STAT5B: variants seen among roughly 807,000 people sequenced by gnomAD.
STAT5B encodes transcription factor STAT5B.
A neutral mutation model predicts 107.8 loss-of-function variants in STAT5B; 21 were observed. That is an observed-to-expected ratio of 0.19 (90% CI 0.14 to 0.28). The LOEUF is 0.28. Among genes scored for constraint, STAT5B ranks in the 10% least tolerant of loss-of-function variants. The pLI, the probability that STAT5B is intolerant of heterozygous loss-of-function variation, is 1.00. For missense variants in STAT5B, 565 were observed against 1,008.2 expected (o/e 0.56, Z 5.95); for synonymous variants, 325 against 401.7 (o/e 0.81, Z 2.28).
At chr17:42,245,712 C>T (rs534158499) in intron 1 of STAT5B, among the ~76,000 whole-genome samples, 5 of 152,046 alleles carry the variant, frequency 3.3e-5, no homozygotes, top group African/African-American at 4.8e-5. Flanking sequence ...TTAATAGAGA[C>T]GGGTTTTCAC....
chr17:42,213,476 G>A (rs1323591214), intron 12 of STAT5B, among the ~76,000 whole-genome samples: 1 of 152,042 alleles, frequency 6.6e-6, no homozygotes, highest in Non-Finnish European at 1.5e-5. Context: ...CAAAGTGCTG[G>A]GATTGCAGGC....
intron 1 of STAT5B, among the ~76,000 whole-genome samples, chr17:42,254,216 A>G (rs914379321): frequency 6.6e-6 from 1 of 152,142 alleles, no homozygotes; most frequent in African/African-American, 2.4e-5. Flanking sequence ...TCTCTACAAA[A>G]TAAAAATTAA....
intron 15 of STAT5B, 121 bp downstream of exon 15, chr17:42,210,050 T>A: frequency 6.9e-7 from 1 of 1,452,952 alleles, no homozygotes; most frequent in South Asian, 1.2e-5. Flanking sequence ...TGGCTATACA[T>A]TTATGTTTCC....
chr17:42,218,094 T>TC, intron 9 of STAT5B, 57 bp downstream of exon 9: 1 of 1,582,396 alleles, frequency 6.3e-7, no homozygotes, highest in Non-Finnish European at 8.6e-7. Context: ...ATTCTTTTTT[T>TC]CCTGTTGCCA....
At chr17:42,281,988 TGTG>T in the STAT5B span, among the ~76,000 whole-genome samples, 1 of 151,960 alleles carries the variant, frequency 6.6e-6, no homozygotes, top group East Asian at 1.9e-4. Flanking sequence ...GCTGCCACTG[TGTG>T]TAGAAAAGCA....
chr17:42,203,915 C>T (rs1465454757), intron 16 of STAT5B, among the ~76,000 whole-genome samples: 2 of 151,984 alleles, frequency 1.3e-5, no homozygotes, highest in African/African-American at 2.4e-5. Context: ...GTGTGAGCCA[C>T]GGTGCCTGGC....
In STAT5B at chr17:42,201,289, G is replaced by A; in HGVS notation, c.*449C>T. The A allele has an allele frequency of 2.0e-6, 1 of 489,850 alleles. No homozygotes were observed. Among genetic ancestry groups the A allele is most frequent in the East Asian group, 3.1e-5 (1 of 32,578 alleles). The allele number at this position is 489,850 out of a possible 1,614,324, so 30.3% of individuals were successfully genotyped here. ...ATATATCAATTGCTTGGCAGACAGA[G>A]TGACGAAGACTCACTGGAGCACATG... On this transcript the variant is annotated 3_prime_UTR_variant, in exon 19 of 19. Coordinates refer to ENST00000293328, the MANE Select transcript of STAT5B (RefSeq NM_012448.4).
intron 1 of STAT5B, among the ~76,000 whole-genome samples, chr17:42,262,840 A>G (rs1179344629): frequency 2.0e-5 from 2 of 101,452 alleles, no homozygotes; most frequent in African/African-American, 9.6e-5. Flanking sequence ...ATATACACAC[A>G]TATATATGTA....
chr17:42,279,483 G>T, upstream of STAT5B, among the ~76,000 whole-genome samples: 1 of 152,256 alleles, frequency 6.6e-6, no homozygotes, highest in East Asian at 1.9e-4. Flanking sequence ...GCCACAGGGC[G>T]CTAGTTTAAA....
intron 1 of STAT5B, among the ~76,000 whole-genome samples, chr17:42,259,615 C>T (rs1483244317): frequency 1.3e-5 from 2 of 151,920 alleles, no homozygotes; most frequent in South Asian, 2.1e-4. Flanking sequence ...AGCGAAACCC[C>T]GTATCTACTA....
At chr17:42,207,890 TTTAC>T (rs751828947) in intron 15 of STAT5B, among the ~76,000 whole-genome samples, 162 bp from the exon 16 acceptor site, 19 of 152,138 alleles carry the variant, frequency 1.2e-4, no homozygotes, top group African/African-American at 3.9e-4. Flanking sequence ...CTTTTATTTA[TTTAC>T]TTACTTACTT....
chr17:42,236,176 T>C (rs1045210337), intron 1 of STAT5B, among the ~76,000 whole-genome samples: 3 of 152,198 alleles, frequency 2.0e-5, no homozygotes, highest in Non-Finnish European at 4.4e-5. Context: ...CTTATTTTGA[T>C]AAATACAATA....
intron 1 of STAT5B, among the ~76,000 whole-genome samples, chr17:42,262,793 T>C (rs2080613546): frequency 9.0e-6 from 1 of 111,126 alleles, no homozygotes; most frequent in Non-Finnish European, 1.8e-5. Context: ...TATACACATA[T>C]ATATGTGTGT....
At chr17:42,233,054 A>C (rs2080330044) in intron 1 of STAT5B, among the ~76,000 whole-genome samples, 1 of 151,786 alleles carries the variant, frequency 6.6e-6, no homozygotes. Flanking sequence ...GTTGGCCAGG[A>C]TGGTCTCAAA....
At chr17:42,284,722 C>T in the STAT5B span, among the ~76,000 whole-genome samples, 1 of 152,324 alleles carries the variant, frequency 6.6e-6, no homozygotes, top group South Asian at 2.1e-4. Context: ...TAGCCCAGCC[C>T]AGGGAGGCCT....
intron 13 of STAT5B, chr17:42,210,722 C>T (rs2080121368): frequency 1.9e-6 from 1 of 528,070 alleles, no homozygotes; most frequent in South Asian, 1.9e-5. Context: ...TGGGCTCCTG[C>T]TACAGACACT....
intron 7 of STAT5B, 37 bp from the exon 8 acceptor site, chr17:42,218,915 G>C (rs767971846): frequency 1.9e-6 from 3 of 1,613,832 alleles, no homozygotes; most frequent in Non-Finnish European, 2.5e-6. Context: ...GAGGACAATG[G>C]CTCCTCCGCA....
At chr17:42,234,430 T>C (rs978788500) in intron 1 of STAT5B, 10 of 152,232 alleles carry the variant, frequency 6.6e-5, no homozygotes, top group Non-Finnish European at 1.5e-4. Context: ...AAGAGCTCTC[T>C]CCAGAAGCAA....
At chr17:42,219,684 C>T (rs769058399) in intron 6 of STAT5B, 28 bp downstream of exon 6, 5 of 1,591,426 alleles carry the variant, frequency 3.1e-6, no homozygotes, top group Non-Finnish European at 3.4e-6. Flanking sequence ...GGCACCCACG[C>T]CCAGGAGAGG....
Sources: allele counts gnomAD v4.1 joint callset (sites outside exome capture counted in the v4.1 genomes callset), GRCh38; gene constraint gnomAD v4.1.1; transcripts MANE v1.5; gene names NCBI Gene and HGNC (gene_info 2026-07-23, HGNC 2026-07-21).